The following DAZAP1 variants were observed in gnomAD, a reference collection of about 807,000 sequenced individuals.
DAZAP1 encodes the protein DAZ-associated protein 1.
A neutral mutation model predicts 60.1 loss-of-function variants in DAZAP1; 6 were observed. That is an observed-to-expected ratio of 0.10 (90% CI 0.05 to 0.20). The LOEUF (loss-of-function observed/expected upper bound fraction) is 0.20. DAZAP1 is among the 10% of genes least tolerant of loss of function. DAZAP1 has a pLI of 1.00. For synonymous variants in DAZAP1, 235 were observed against 215.9 expected, an observed-to-expected ratio of 1.09 and a Z score of -0.78; for missense variants, 366 against 560.4, an observed-to-expected ratio of 0.65 and a Z score of 3.50.
At chr19:1,411,019 C>A (rs1413344143) in intron 1 of DAZAP1, among the ~76,000 whole-genome samples, 1 of 152,204 alleles carries the variant, frequency 6.6e-6, no homozygotes, top group Non-Finnish European at 1.5e-5. Flanking sequence ...AAGGAGACAT[C>A]CTGAGTGGGG....
intron 10 of DAZAP1, among the ~76,000 whole-genome samples, chr19:1,430,806 C>T (rs1435477298): frequency 6.6e-5 from 10 of 151,670 alleles, no homozygotes; most frequent in Non-Finnish European, 1.2e-4. Context: ...CTGCAAGCTC[C>T]GCCTCCTGGG....
At chr19:1,421,612 C>G (rs1016441977) in intron 5 of DAZAP1, among the ~76,000 whole-genome samples, 23 of 152,254 alleles carry the variant, frequency 1.5e-4, no homozygotes, top group African/African-American at 4.3e-4. Flanking sequence ...ACAGAGCTGA[C>G]TTTCCACTGG....
Position 1,418,100 on chromosome 19 carries a change from C to A in DAZAP1, c.71-104C>A. On this transcript the variant is annotated intron_variant, in intron 2 of 11. Transcript: ENST00000233078. The surrounding 1 kb of genome is among the most constrained non-coding windows in gnomAD (Gnocchi z 5.7). ...ACCCCCAGTGCAGCATCGCTCGGTG[C>A]GTGGCTGGTGGACTGGAGGAGTGTG... The A allele has an allele frequency of 1.6e-6, 2 of 1,222,814 alleles. No homozygotes were observed. Among genetic ancestry groups the A allele is most frequent in the Non-Finnish European group, 2.4e-6 (2 of 849,362 alleles). 75.7% of individuals were successfully genotyped at this position (1,222,814 alleles called of 1,614,324 possible). A position where few individuals can be genotyped will look rare whatever the true frequency, so the allele number is the denominator to read the frequency against.
chr19:1,430,609 T>G (rs1258807767), intron 10 of DAZAP1, among the ~76,000 whole-genome samples: 2 of 152,230 alleles, frequency 1.3e-5, no homozygotes, highest in Non-Finnish European at 2.9e-5. Context: ...CAGGAATGTC[T>G]GGGCCCAACC....
chr19:1,418,510 T>G lies in DAZAP1; in HGVS notation c.237+140T>G. On this transcript the variant is annotated intron_variant, in intron 3 of 11. Transcript: ENST00000233078. This position sits in a 1 kb window ranked among gnomAD's most constrained non-coding sequence, Gnocchi z 5.7. ...TCGATTGGGAAGGATTAAGCCTTGG[T>G]GCTGAGGCTGGATATTGCAGGAGGA... is the stretch of plus-strand genomic sequence containing the variant. 1 of 1,424,626 alleles carries G rather than the reference T, an allele frequency of 7.0e-7. No homozygotes were observed. The highest frequency in any genetic ancestry group is 9.8e-7 in the Non-Finnish European group (1 of 1,018,214). The allele number at this position is 1,424,626 out of a possible 1,614,324, so 88.2% of individuals were successfully genotyped here.
chr19:1,433,435 C>T lies in DAZAP1; in HGVS notation c.1048+745C>T, dbSNP rs1306322008. 18 of 406,712 alleles carry T rather than the reference C, an allele frequency of 4.4e-5. No homozygotes were observed. In the East Asian group the frequency reaches 8.7e-4, roughly 20 times the overall value. 25.2% of individuals were successfully genotyped at this position (406,712 alleles called of 1,614,324 possible). A position where few individuals can be genotyped will look rare whatever the true frequency, so the allele number is the denominator to read the frequency against. On this transcript the variant is annotated intron_variant, in intron 11 of 11. Coordinates refer to ENST00000233078, the MANE Select transcript of DAZAP1 (RefSeq NM_018959.4). The surrounding 1 kb of genome is among the most constrained non-coding windows in gnomAD (Gnocchi z 6.1). ...TGGGGCACCTGTCTGCAGGTGGCCA[C>T]GGGCTTCCGGGGTGCCTGTGAACAC... is the stretch of plus-strand genomic sequence containing the variant.
Position 1,428,747 on chromosome 19 carries a change from C to T in DAZAP1, c.547-95C>T. 1.4e-6 allele frequency: 2 copies of T among 1,425,002 alleles called. No homozygotes were observed. Among genetic ancestry groups the T allele is most frequent in the Non-Finnish European group, 9.6e-7 (1 of 1,036,296 alleles). 88.3% of individuals were successfully genotyped at this position (1,425,002 alleles called of 1,614,324 possible). On this transcript the variant is annotated intron_variant, in intron 7 of 11. Coordinates refer to ENST00000233078, the MANE Select transcript of DAZAP1 (RefSeq NM_018959.4). This position sits in a 1 kb window ranked among gnomAD's most constrained non-coding sequence, Gnocchi z 4.0. ...GTATTTAGTCTTAAGTTGTAAGATG[C>T]TAAGTGTAGTCATAAGTTACCCGAG...
intron 1 of DAZAP1, 132 bp downstream of exon 1, chr19:1,407,934 C>T (rs867808041): frequency 5.9e-5 from 49 of 828,976 alleles, no homozygotes; most frequent in Middle Eastern, 5.8e-4. Flanking sequence ...ACTCGGGACC[C>T]GGACTCGCCG....
chr19:1,415,693 G>GAAGGGTGCGT (rs1371927427), intron 1 of DAZAP1: 3 of 152,214 alleles, frequency 2.0e-5, no homozygotes, highest in African/African-American at 7.2e-5. Flanking sequence ...GCCTGATTGC[G>GAAGGGTGCGT]AAGGGTGCGT....
chr19:1,413,189 G>A (rs2082877986), intron 1 of DAZAP1, among the ~76,000 whole-genome samples: 1 of 152,218 alleles, frequency 6.6e-6, no homozygotes, highest in Admixed American at 6.5e-5. Flanking sequence ...GAGGACAAGC[G>A]GACCGCCAGC....
Position 1,434,694 on chromosome 19 carries a change from C to A in DAZAP1, c.1049-43C>A, listed in dbSNP as rs780673931. On this transcript the variant is annotated intron_variant, in intron 11 of 11. Transcript: ENST00000233078. This position sits in a 1 kb window ranked among gnomAD's most constrained non-coding sequence, Gnocchi z 8.0. ...TGGCCTCGCTCGACGGCAGTGCCAA[C>A]CGCCCAGGGACCGCCCCGAGCTCAC... The A allele has an allele frequency of 3.1e-6, 5 of 1,601,972 alleles. No individual in the cohort carries two copies. The South Asian group carries it at 4.4e-5, about 14-fold the overall frequency.
chr19:1,408,256 G>T (rs910395809), intron 1 of DAZAP1, among the ~76,000 whole-genome samples: 10 of 152,128 alleles, frequency 6.6e-5, no homozygotes, highest in Non-Finnish European at 1.5e-4. Context: ...AACTTGGGGG[G>T]GTCTGGAGCG....
intron 1 of DAZAP1, among the ~76,000 whole-genome samples, chr19:1,412,918 C>T (rs954620389): frequency 6.6e-6 from 1 of 152,166 alleles, no homozygotes; most frequent in Non-Finnish European, 1.5e-5. Context: ...AAGTGGAGCT[C>T]GTCCCACGCC....
At chr19:1,431,286 G>A (rs1423343974) in intron 10 of DAZAP1, among the ~76,000 whole-genome samples, 1 of 150,622 alleles carries the variant, frequency 6.6e-6, no homozygotes, top group Non-Finnish European at 1.5e-5. Flanking sequence ...CCACCACCAC[G>A]CCTGGCTAAT....
At chr19:1,407,868 G>A in intron 1 of DAZAP1, 66 bp downstream of exon 1, 2 of 1,041,880 alleles carry the variant, frequency 1.9e-6, no homozygotes, top group Non-Finnish European at 2.3e-6. Context: ...CCGCCGCCCG[G>A]CCTCAGACGC....
intron 1 of DAZAP1, chr19:1,409,820 A>G (rs571575797): frequency 6.6e-6 from 1 of 152,252 alleles, no homozygotes; most frequent in Non-Finnish European, 1.5e-5. Flanking sequence ...GGCGGCTCTC[A>G]GGACGCCATG....
In DAZAP1 at chr19:1,420,395, G is replaced by A. The variant is rs144030671; in HGVS notation, c.304-753G>A. Among the ~76,000 whole-genome samples the A allele has an allele frequency of 3.0e-3, 456 of 151,878 alleles. 5 individuals carry two copies. The South Asian group carries it at 0.033, about 11-fold the overall frequency. ...GCACACTCATGAAACCATCCCGACC[G>A]TCACGGCGGCGAGCACTCACCCTCA... is the stretch of plus-strand genomic sequence containing the variant. On this transcript the variant is annotated intron_variant, in intron 4 of 11. Transcript: ENST00000233078.
At chr19:1,421,320 C>G (rs2083149332) in intron 5 of DAZAP1, 62 bp downstream of exon 5, 3 of 1,491,672 alleles carry the variant, frequency 2.0e-6, no homozygotes, top group South Asian at 2.3e-5. Context: ...CAGGCCTGGG[C>G]CTTCTTGGGG....
Position 1,418,578 on chromosome 19 carries a change from C to G in DAZAP1, c.238-88C>G. On this transcript the variant is annotated intron_variant, in intron 3 of 11. Transcript: ENST00000233078. This position sits in a 1 kb window ranked among gnomAD's most constrained non-coding sequence, Gnocchi z 5.7. Reference sequence around the variant, plus strand: ...CGGCGGGGCGGGGCGGGCCGGGCTGCTGTGCCGTGGCTGCTGTTGTGCTGA... The same window carrying G: ...CGGCGGGGCGGGGCGGGCCGGGCTGGTGTGCCGTGGCTGCTGTTGTGCTGA... 6.5e-7 allele frequency: 1 copy of G among 1,545,274 alleles called. No homozygotes were observed. The highest frequency in any genetic ancestry group is 8.9e-7 in the Non-Finnish European group (1 of 1,118,820).
Sources: gnomAD v4.1 joint callset for allele counts (sites outside exome capture counted in the v4.1 genomes callset) on GRCh38, gnomAD v4.1.1 for gene constraint, Gnocchi (gnomAD v3.1) non-coding constraint, MANE v1.5 for transcripts, NCBI Gene and HGNC (gene_info 2026-07-23, HGNC 2026-07-21) for gene names.